PTPRO: variants seen among roughly 807,000 people sequenced by gnomAD.
The protein encoded by PTPRO is receptor-type tyrosine-protein phosphatase O.
A neutral mutation model predicts 145.2 loss-of-function variants in PTPRO; 62 were observed. The observed-to-expected ratio is 0.43, with a 90% CI of 0.35 to 0.53. The LOEUF is 0.53. PTPRO is among the 20% of genes least tolerant of loss of function. PTPRO has a pLI of 0.01. For synonymous variants in PTPRO, 565 were observed against 514.7 expected, an observed-to-expected ratio of 1.10 and a Z score of -1.32; for missense variants, 1,345 against 1,482.7, an observed-to-expected ratio of 0.91 and a Z score of 1.53.
intron 1 of PTPRO, among the ~76,000 whole-genome samples, chr12:15,367,261 C>T (rs1045489777): frequency 2.0e-5 from 3 of 152,088 alleles, no homozygotes; most frequent in Non-Finnish European, 4.4e-5. Flanking sequence ...ATAAGAAGCA[C>T]TACAAAAAGG....
chr12:15,584,613 C>A (rs982531840), intron 23 of PTPRO, among the ~76,000 whole-genome samples: 3 of 152,148 alleles, frequency 2.0e-5, no homozygotes, highest in Non-Finnish European at 4.4e-5. Context: ...TTACTTGTTA[C>A]AAGCGTCTGG....
In PTPRO at chr12:15,581,542, G is replaced by C. The variant is rs552644669; in HGVS notation, c.3133-137G>C. On this transcript the variant is annotated intron_variant, in intron 22 of 26. Coordinates refer to ENST00000281171, the MANE Select transcript of PTPRO (RefSeq NM_030667.3). ...AGAATTCACACTACGTAGCAGAAAT[G>C]GTTTGCTTTATGTTTCATCTTCACC... is the stretch of plus-strand genomic sequence containing the variant. The C allele has an allele frequency of 5.9e-5, 51 of 865,064 alleles. No homozygotes were observed. The South Asian group carries it at 7.2e-4, about 12-fold the overall frequency. The allele number at this position is 865,064 out of a possible 1,614,324, so 53.6% of individuals were successfully genotyped here.
chr12:15,450,614 A>G (rs1328444218), intron 1 of PTPRO, among the ~76,000 whole-genome samples: 1 of 152,036 alleles, frequency 6.6e-6, no homozygotes, highest in African/African-American at 2.4e-5. Context: ...TCTCTACAAA[A>G]AGTACAAAAA....
chr12:15,561,299 T>C (rs141629338), intron 17 of PTPRO, among the ~76,000 whole-genome samples: 1 of 152,200 alleles, frequency 6.6e-6, no homozygotes, highest in African/African-American at 2.4e-5. Flanking sequence ...GGAGCATTTA[T>C]TTATTCAAAA....
At position 15,349,127 on chromosome 12, in the gene PTPRO, A is replaced by G. The variant is rs78015833; in HGVS notation, c.75+26326A>G. ...ATAATAAAACTTATAGTAGATGTAT[A>G]TAAGTTTTATACTTCAAGAAATAGT... On this transcript the variant is annotated intron_variant, in intron 1 of 26. Coordinates refer to ENST00000281171, the MANE Select transcript of PTPRO (RefSeq NM_030667.3). Among the ~76,000 whole-genome samples the G allele has an allele frequency of 3.6e-3, 556 of 152,340 alleles. 6 individuals are homozygous for G. Among genetic ancestry groups the G allele is most frequent in the East Asian group, 0.034 (175 of 5,188 alleles).
At chr12:15,459,386 C>A (rs932686962) in intron 1 of PTPRO, among the ~76,000 whole-genome samples, 1 of 152,184 alleles carries the variant, frequency 6.6e-6, no homozygotes. Context: ...CCTTGGGCAA[C>A]CCCCAGGAAA....
intron 1 of PTPRO, among the ~76,000 whole-genome samples, chr12:15,350,971 C>CT (rs931730404): frequency 6.6e-6 from 1 of 151,962 alleles, no homozygotes; most frequent in African/African-American, 2.4e-5. Flanking sequence ...GATTTATTTT[C>CT]TTTTTTTTCC....
intron 1 of PTPRO, among the ~76,000 whole-genome samples, chr12:15,413,907 A>T (rs1460268288): frequency 6.7e-6 from 1 of 149,718 alleles, no homozygotes; most frequent in African/African-American, 2.4e-5. Context: ...TTCCTCAGCT[A>T]AAAAAAACAA....
chr12:15,387,016 T>A (rs960436315), intron 1 of PTPRO, among the ~76,000 whole-genome samples: 1 of 152,226 alleles, frequency 6.6e-6, no homozygotes, highest in African/African-American at 2.4e-5. Flanking sequence ...GGCTTAAGTA[T>A]CTGTCAGGAA....
At chr12:15,415,587 A>G (rs555211965) in intron 1 of PTPRO, among the ~76,000 whole-genome samples, 2,212 of 150,542 alleles carry the variant, frequency 0.015, 32 homozygotes, top group Non-Finnish European at 0.02. Context: ...GGTTTCACTC[A>G]TGTTAGCCAG....
At chr12:15,388,151 C>T (rs1458178110) in intron 1 of PTPRO, among the ~76,000 whole-genome samples, 1 of 151,808 alleles carries the variant, frequency 6.6e-6, no homozygotes, top group East Asian at 1.9e-4. Flanking sequence ...TATTTTTTAA[C>T]CATAAAAAGC....
At chr12:15,429,216 TA>T (rs1565624187) in intron 1 of PTPRO, among the ~76,000 whole-genome samples, 1 of 152,202 alleles carries the variant, frequency 6.6e-6, no homozygotes, top group African/African-American at 2.4e-5. Flanking sequence ...GGGCTTGAGA[TA>T]GAAATGTTGA....
At chr12:15,448,529 T>G (rs1289618653) in intron 1 of PTPRO, among the ~76,000 whole-genome samples, 1 of 151,986 alleles carries the variant, frequency 6.6e-6, no homozygotes, top group African/African-American at 2.4e-5. Context: ...AGAAAACAAG[T>G]GTGCACAAGG....
rs1271106899 is a variant in PTPRO at position 15,387,151 on chromosome 12, A to G, written c.75+64350A>G. 2.0e-5 allele frequency among the ~76,000 whole-genome samples: 3 copies of G among 152,184 alleles called. No individual in the cohort carries two copies. In the East Asian group the frequency reaches 5.8e-4, roughly 29 times the overall value. ...TGTGTGCACACGTATCAAGAAAAAC[A>G]CTGCTTCCATCATGCCACCCCACTT... is the stretch of plus-strand genomic sequence containing the variant. On this transcript the variant is annotated intron_variant, in intron 1 of 26. Transcript: ENST00000281171.
At chr12:15,501,007 G>A (rs1942210143) in intron 4 of PTPRO, among the ~76,000 whole-genome samples, 1 of 152,218 alleles carries the variant, frequency 6.6e-6, no homozygotes, top group South Asian at 2.1e-4. Context: ...TACAGGCAGA[G>A]ACTACGCAGT....
At position 15,516,863 on chromosome 12, in the gene PTPRO, G is replaced by T. The variant is rs533041120; in HGVS notation, c.1686G>T (p.Val562=). Residue 562 remains valine (V), a synonymous_variant, in exon 9 of 27, where the codon GTG becomes GTT. Coordinates refer to ENST00000281171, the MANE Select transcript of PTPRO (RefSeq NM_030667.3). ...RPYLGVFRKY[V]VEMFYFNPAT... Reference sequence around the variant, plus strand: ...ATTTAGGCGTGTTCAGAAAATACGTGGTTGAAATGTTTTATTTCAACCCTG... The same window carrying T: ...ATTTAGGCGTGTTCAGAAAATACGTTGTTGAAATGTTTTATTTCAACCCTG... 1.9e-6 allele frequency: 3 copies of T among 1,612,894 alleles called. No individual in the cohort carries two copies. The highest frequency in any genetic ancestry group is 1.7e-4 in the Middle Eastern group (1 of 6,060).
intron 1 of PTPRO, among the ~76,000 whole-genome samples, chr12:15,336,863 C>T (rs1284859837): frequency 1.3e-5 from 2 of 152,186 alleles, no homozygotes; most frequent in Admixed American, 1.3e-4. Flanking sequence ...GGATACCATT[C>T]TCCTACTTGA....
chr12:15,582,219 G>A (rs1049825465), intron 23 of PTPRO, among the ~76,000 whole-genome samples: 31 of 152,220 alleles, frequency 2.0e-4, no homozygotes, highest in South Asian at 8.3e-4. Context: ...GCGGTAAACC[G>A]ACAACCTTCA....
At chr12:15,410,224 A>G (rs570067351) in intron 1 of PTPRO, 1 of 152,362 alleles carries the variant, frequency 6.6e-6, no homozygotes, top group African/African-American at 2.4e-5. Context: ...TTAATTTTAT[A>G]TGTCAACTTG....
Sources: gnomAD v4.1 joint callset for allele counts (sites outside exome capture counted in the v4.1 genomes callset) on GRCh38, gnomAD v4.1.1 for gene constraint, MANE v1.5 for transcripts, NCBI Gene and HGNC (gene_info 2026-07-23, HGNC 2026-07-21) for gene names.